Variants in ALK observed in about 807,000 individuals in gnomAD.
The protein encoded by ALK is ALK tyrosine kinase receptor.
In ALK, 74 loss-of-function variants were observed where a neutral mutation model predicts 163.1. That is an observed-to-expected ratio of 0.45 (90% CI 0.38 to 0.55). The LOEUF (loss-of-function observed/expected upper bound fraction) is 0.55. ALK is among the 20% of genes least tolerant of loss of function. The pLI is 0.00. For synonymous variants in ALK, 960 were observed against 843.2 expected, an observed-to-expected ratio of 1.14 and a Z score of -2.40; for missense variants, 2,063 against 2,105.3, an observed-to-expected ratio of 0.98 and a Z score of 0.39.
intron 11 of ALK, among the ~76,000 whole-genome samples, chr2:29,252,341 T>C (rs1350857967): frequency 6.6e-6 from 1 of 152,138 alleles, no homozygotes; most frequent in African/African-American, 2.4e-5. Flanking sequence ...AATACAAAAA[T>C]CTCATAAGAT....
intron 4 of ALK, among the ~76,000 whole-genome samples, chr2:29,476,577 G>A (rs748160537): frequency 5.3e-5 from 8 of 152,130 alleles, no homozygotes; most frequent in Non-Finnish European, 1.0e-4. Context: ...GGTGTCGGTG[G>A]TAGAAGCACA....
intron 6 of ALK, among the ~76,000 whole-genome samples, chr2:29,321,094 C>T (rs539943322): frequency 2.4e-4 from 36 of 152,200 alleles, no homozygotes; most frequent in Non-Finnish European, 4.7e-4. Flanking sequence ...GTTTTCTTAT[C>T]TACAGAAAAC....
intron 5 of ALK, among the ~76,000 whole-genome samples, chr2:29,343,173 A>C (rs1478903290): frequency 6.7e-6 from 1 of 148,830 alleles, no homozygotes; most frequent in Admixed American, 6.7e-5. Flanking sequence ...GGCATGAGCC[A>C]CCGTGCCTGG....
chr2:29,693,023 G>A (rs1307767151), intron 3 of ALK, among the ~76,000 whole-genome samples: 1 of 152,270 alleles, frequency 6.6e-6, no homozygotes, highest in Admixed American at 6.5e-5. Context: ...GTTTGGAGCT[G>A]TATACATAGG....
intron 1 of ALK, among the ~76,000 whole-genome samples, chr2:29,731,170 G>A (rs1454202051): frequency 1.3e-5 from 2 of 152,110 alleles, no homozygotes; most frequent in African/African-American, 2.4e-5. Flanking sequence ...CTCTACTCTG[G>A]GAAATTCAGA....
intron 5 of ALK, among the ~76,000 whole-genome samples, chr2:29,336,943 C>T (rs935724001): frequency 2.0e-5 from 3 of 151,948 alleles, no homozygotes; most frequent in Admixed American, 1.3e-4. Context: ...GGAGACGACA[C>T]GTGGGGGAAC....
chr2:29,703,594 G>A (rs1238035624), intron 2 of ALK, among the ~76,000 whole-genome samples: 2 of 152,202 alleles, frequency 1.3e-5, no homozygotes, highest in East Asian at 3.8e-4. Flanking sequence ...GGCTGATTCC[G>A]AATTTGCATA....
intron 3 of ALK, among the ~76,000 whole-genome samples, chr2:29,592,347 C>G (rs909777076): frequency 1.3e-5 from 2 of 152,198 alleles, no homozygotes; most frequent in African/African-American, 4.8e-5. Flanking sequence ...CAGCTCTCTG[C>G]TTCTCTCAGA....
At chr2:29,274,654 G>A (rs1665480465) in intron 11 of ALK, among the ~76,000 whole-genome samples, 1 of 152,250 alleles carries the variant, frequency 6.6e-6, no homozygotes, top group African/African-American at 2.4e-5. Context: ...GGGGAACTGT[G>A]TTGAAAGGAA....
At chr2:29,533,940 G>A (rs1360885433) in intron 3 of ALK, among the ~76,000 whole-genome samples, 1 of 152,192 alleles carries the variant, frequency 6.6e-6, no homozygotes, top group African/African-American at 2.4e-5. Flanking sequence ...AGGTCTTACA[G>A]GGAGAGAAAA....
intron 5 of ALK, among the ~76,000 whole-genome samples, chr2:29,329,591 A>AC (rs764362125): frequency 6.6e-5 from 10 of 151,906 alleles, no homozygotes; most frequent in Non-Finnish European, 1.3e-4. Flanking sequence ...ATGAACTAGG[A>AC]CCCCACTTGG....
At chr2:29,828,091 T>C (rs1395535588) in intron 1 of ALK, among the ~76,000 whole-genome samples, 2 of 152,168 alleles carry the variant, frequency 1.3e-5, no homozygotes, top group Non-Finnish European at 2.9e-5. Flanking sequence ...TAATAAATAG[T>C]GCTGGGAAAA....
chr2:29,823,953 C>T (rs1332201620), intron 1 of ALK, among the ~76,000 whole-genome samples: 1 of 151,900 alleles, frequency 6.6e-6, no homozygotes, highest in East Asian at 1.9e-4. Flanking sequence ...AGCCCCTCCT[C>T]CCCCCATCAC....
chr2:29,836,448 T>C (rs766063666), intron 1 of ALK, among the ~76,000 whole-genome samples: 56 of 151,982 alleles, frequency 3.7e-4, no homozygotes, highest in Non-Finnish European at 6.9e-4. Context: ...ATGAAAAAAA[T>C]AGAGATTGGA....
At chr2:29,505,804 T>C (rs1672302859) in intron 4 of ALK, among the ~76,000 whole-genome samples, 2 of 95,384 alleles carry the variant, frequency 2.1e-5, no homozygotes, top group Admixed American at 1.1e-4. Context: ...GCTACACTAA[T>C]TGAAAAAAAA....
At chr2:29,668,314 T>C (rs1267313517) in intron 3 of ALK, among the ~76,000 whole-genome samples, 6 of 152,004 alleles carry the variant, frequency 3.9e-5, no homozygotes, top group African/African-American at 1.4e-4. Flanking sequence ...GTTTGGGGGT[T>C]TGATTTATTC....
chr2:29,817,305 C>A (rs549393480), intron 1 of ALK, among the ~76,000 whole-genome samples: 2 of 152,294 alleles, frequency 1.3e-5, no homozygotes, highest in Admixed American at 1.3e-4. Context: ...GATAGGTCAG[C>A]TTTCATGGAT....
At chr2:29,511,462 A>G (rs1450231332) in intron 4 of ALK, among the ~76,000 whole-genome samples, 1 of 152,196 alleles carries the variant, frequency 6.6e-6, no homozygotes, top group Admixed American at 6.5e-5. Flanking sequence ...GTTATCATAT[A>G]TATCAGTATT....
At chr2:29,787,633 G>C (rs988772162) in intron 1 of ALK, among the ~76,000 whole-genome samples, 6 of 152,188 alleles carry the variant, frequency 3.9e-5, no homozygotes, top group African/African-American at 1.4e-4. Context: ...TAGAAAATGA[G>C]TCAGAGTTAG....
Sources: allele counts gnomAD v4.1 joint callset (sites outside exome capture counted in the v4.1 genomes callset), GRCh38; gene constraint gnomAD v4.1.1; transcripts MANE v1.5; gene names NCBI Gene and HGNC (gene_info 2026-07-23, HGNC 2026-07-21).